BMS1: variants seen among roughly 807,000 people sequenced by gnomAD.
BMS1 encodes the protein BMS1 ribosome biogenesis factor.
In BMS1, 53 loss-of-function variants were observed where a neutral mutation model predicts 138.7. The observed-to-expected ratio is 0.38, with a 90% CI of 0.31 to 0.48. The LOEUF is 0.48. Ranked by LOEUF, BMS1 falls within the 20% of genes least tolerant of loss-of-function variation. The pLI, the probability that BMS1 is intolerant of heterozygous loss-of-function variation, is 0.97. For synonymous variants in BMS1, 504 were observed against 539.9 expected, an observed-to-expected ratio of 0.93 and a Z score of 0.92; for missense variants, 1,360 against 1,565.5, an observed-to-expected ratio of 0.87 and a Z score of 2.22.
chr10:42,830,764 ATAT>A, intron 22 of BMS1, 99 bp from the exon 23 acceptor site: 2 of 1,004,940 alleles, frequency 2.0e-6, no homozygotes, highest in South Asian at 3.4e-5. Context: ...CATGCAGTTA[ATAT>A]TCATTTGGAT....
intron 21 of BMS1, among the ~76,000 whole-genome samples, chr10:42,829,570 T>C (rs1331163178): frequency 6.6e-6 from 1 of 152,090 alleles, no homozygotes; most frequent in Non-Finnish European, 1.5e-5. Context: ...TCCTAGCACT[T>C]TGGGAGGCCA....
chr10:42,826,116 C>T (rs1237341079), intron 21 of BMS1, among the ~76,000 whole-genome samples: 2 of 152,038 alleles, frequency 1.3e-5, no homozygotes, highest in Admixed American at 1.3e-4. Flanking sequence ...GGGATAAATC[C>T]CACTTAAACA....
At chr10:42,828,967 A>G (rs1345652155) in intron 21 of BMS1, among the ~76,000 whole-genome samples, 2 of 152,202 alleles carry the variant, frequency 1.3e-5, no homozygotes, top group South Asian at 2.1e-4. Context: ...TTCAAAAACA[A>G]TCGGGGTTCC....
At chr10:42,825,352 A>T (rs1449983651) in intron 21 of BMS1, among the ~76,000 whole-genome samples, 1 of 152,200 alleles carries the variant, frequency 6.6e-6, no homozygotes, top group African/African-American at 2.4e-5. Flanking sequence ...CAGAACTTTG[A>T]TGAGGATTGT....
rs912047516 is a variant in BMS1, at chr10:42,832,732, A to G, written c.*1636A>G. 1 of 152,132 alleles carries G rather than the reference A, an allele frequency of 6.6e-6. No individual in the cohort carries two copies. Among genetic ancestry groups the G allele is most frequent in the Non-Finnish European group, 1.5e-5 (1 of 68,030 alleles). The allele number at this position is 152,132 out of a possible 1,614,324, so 9.4% of individuals were successfully genotyped here. A position where few individuals can be genotyped will look rare whatever the true frequency, so the allele number is the denominator to read the frequency against. On this transcript the variant is annotated 3_prime_UTR_variant, in exon 23 of 23. Coordinates refer to ENST00000374518, the MANE Select transcript of BMS1 (RefSeq NM_014753.4). ...GGGCTAGGTCCACCTGGGAAGTGAC[A>G]ATTGGAACACTCCCAGACCTCTCTG...
Position 42,785,653 on chromosome 10 carries a change from C to T in BMS1, c.348C>T (p.Gly116=). 5 of 1,613,736 alleles carry T rather than the reference C, an allele frequency of 3.1e-6. No individual in the cohort carries two copies. The highest frequency in any genetic ancestry group is 4.2e-6 in the Non-Finnish European group (5 of 1,179,732). ...FTRQKLTEIR[G]PVTIVSGKKR... ...GGCAGAAGTTGACTGAGATCAGAGG[C>T]CCTGTGACGATTGTGTCAGGTAGGA... Residue 116 remains glycine (G), a synonymous_variant, in exon 3 of 23, where the codon GGC becomes GGT. Coordinates refer to ENST00000374518, the MANE Select transcript of BMS1 (RefSeq NM_014753.4).
rs751909224 is a variant in BMS1, at chr10:42,792,988, T to G, written c.933T>G (p.Ser311Arg). ...GAGATTTTGCCGTGAGTGACATCAGTTTCCTCCCAGACCCTTGCGCTCTTC... is the reference window on the plus strand; with the variant it reads ...GAGATTTTGCCGTGAGTGACATCAGGTTCCTCCCAGACCCTTGCGCTCTTC... ...GVGDFAVSDI[S>R]FLPDPCALPE... Residue 311 changes from serine (S) to arginine (R), a missense_variant, in exon 8 of 23, where the codon AGT (serine) becomes AGG (arginine). Around this residue, in one of 3 missense-constraint regions of BMS1, gnomAD observed 697 missense variants for 686.2 expected, o/e 1.02. Transcript: ENST00000374518. 1 of 1,612,158 alleles carries G rather than the reference T, an allele frequency of 6.2e-7. No homozygotes were observed. Among genetic ancestry groups the G allele is most frequent in the Non-Finnish European group, 8.5e-7 (1 of 1,179,540 alleles).
chr10:42,801,969 T>TA (rs1841887508), intron 12 of BMS1, among the ~76,000 whole-genome samples, 168 bp from the exon 13 acceptor site: 2 of 152,246 alleles, frequency 1.3e-5, no homozygotes, highest in Non-Finnish European at 1.5e-5. Flanking sequence ...TCTCTGTGGT[T>TA]ATACTGTCTC....
chr10:42,815,652 C>T (rs1842328331), intron 13 of BMS1, among the ~76,000 whole-genome samples: 1 of 152,178 alleles, frequency 6.6e-6, no homozygotes, highest in Non-Finnish European at 1.5e-5. Context: ...ACGTCTGCCT[C>T]CCGGGCCCCC....
intron 3 of BMS1, among the ~76,000 whole-genome samples, chr10:42,786,322 A>C (rs995172862): frequency 2.6e-5 from 4 of 152,210 alleles, no homozygotes; most frequent in Non-Finnish European, 5.9e-5. Context: ...AATGAAACAA[A>C]CTTCCAGTGG....
At chr10:42,792,832 C>T in intron 7 of BMS1, 125 bp from the exon 8 acceptor site, 1 of 1,315,200 alleles carries the variant, frequency 7.6e-7, no homozygotes, top group Non-Finnish European at 1.0e-6. Flanking sequence ...CAGTGTGGCA[C>T]AATGCCCTTC....
chr10:42,815,659 C>A (rs1299269339), intron 13 of BMS1, among the ~76,000 whole-genome samples: 6 of 152,088 alleles, frequency 3.9e-5, no homozygotes, highest in Non-Finnish European at 8.8e-5. Context: ...CCTCCCGGGC[C>A]CCCAAAGTGC....
intron 13 of BMS1, among the ~76,000 whole-genome samples, chr10:42,811,490 T>C (rs1192529675): frequency 6.6e-6 from 1 of 151,508 alleles, no homozygotes; most frequent in Non-Finnish European, 1.5e-5. Flanking sequence ...TGCTGAGCTG[T>C]ACCCCACAAA....
At chr10:42,786,844 T>A (rs1429944390) in intron 3 of BMS1, among the ~76,000 whole-genome samples, 1 of 152,208 alleles carries the variant, frequency 6.6e-6, no homozygotes, top group Non-Finnish European at 1.5e-5. Context: ...GAAGTTTTGA[T>A]AGAGGCAAAG....
intron 9 of BMS1, among the ~76,000 whole-genome samples, chr10:42,795,836 T>C (rs1399695468): frequency 6.6e-6 from 1 of 152,204 alleles, no homozygotes; most frequent in Admixed American, 6.5e-5. Context: ...CTCCTACGTT[T>C]GTTAGCTGGC....
At chr10:42,787,854 G>T (rs1391522509) in intron 4 of BMS1, among the ~76,000 whole-genome samples, 2 of 152,122 alleles carry the variant, frequency 1.3e-5, no homozygotes, top group African/African-American at 2.4e-5. Flanking sequence ...TCAGTGTATG[G>T]AAAATGTAAA....
At position 42,798,636 on chromosome 10, in the gene BMS1, G is replaced by A. The variant is rs186613792; in HGVS notation, c.2247+11G>A. Reference sequence around the variant, plus strand: ...TGGGATTTAGAGGAGGTAAGTCTGGGTAGTACATTTGATTTATTAGAGAAT... The same window carrying A: ...TGGGATTTAGAGGAGGTAAGTCTGGATAGTACATTTGATTTATTAGAGAAT... On this transcript the variant is annotated intron_variant, in intron 12 of 22. Transcript: ENST00000374518. 6.2e-7 allele frequency: 1 copy of A among 1,612,912 alleles called. No individual in the cohort carries two copies. Among genetic ancestry groups the A allele is most frequent in the Non-Finnish European group, 8.5e-7 (1 of 1,179,084 alleles).
intron 12 of BMS1, among the ~76,000 whole-genome samples, chr10:42,801,794 C>T (rs1302432627): frequency 6.6e-6 from 1 of 152,204 alleles, no homozygotes. Flanking sequence ...TTTAGATTAA[C>T]AAATAGCAAG....
chr10:42,811,813 C>T (rs919962457), intron 13 of BMS1, among the ~76,000 whole-genome samples: 6 of 152,140 alleles, frequency 3.9e-5, no homozygotes, highest in African/African-American at 7.2e-5. Context: ...CGTGAGCCAC[C>T]GCGCCCGGCC....
Sources: allele counts gnomAD v4.1 joint callset (sites outside exome capture counted in the v4.1 genomes callset), GRCh38; gene constraint gnomAD v4.1.1; regional missense constraint gnomAD v4.1.1; transcripts MANE v1.5; gene names NCBI Gene and HGNC (gene_info 2026-07-23, HGNC 2026-07-21).